The following PUDP variants were observed in gnomAD, a reference collection of about 807,000 sequenced individuals.
PUDP encodes the protein pseudouridine 5'-phosphatase, also known as pseudouridine-5'-phosphatase.
In PUDP, 8 loss-of-function variants were observed where a neutral mutation model predicts 9.4. That is an observed-to-expected ratio of 0.85 (90% CI 0.50 to 1.53). The LOEUF (loss-of-function observed/expected upper bound fraction) is 1.53, where lower values mean the gene tolerates loss of function less well. Ranked by LOEUF, PUDP falls within the 40% of genes most tolerant of loss-of-function variation. The pLI, the probability that PUDP is intolerant of heterozygous loss-of-function variation, is 0.00. For missense variants in PUDP, 188 were observed against 189.7 expected, an observed-to-expected ratio of 0.99 and a Z score of 0.05; for synonymous variants, 99 against 80.7, an observed-to-expected ratio of 1.23 and a Z score of -1.22.
At chrX:6,998,367 G>A (rs765801118) in intron 1 of PUDP, among the ~76,000 whole-genome samples, 122 of 111,620 alleles carry the variant, frequency 1.1e-3, no homozygotes, top group Middle Eastern at 4.6e-3. Flanking sequence ...ATGGACTGAA[G>A]CTAACAAGAT....
At chrX:7,141,224 C>A (rs761417957) in intron 1 of PUDP, among the ~76,000 whole-genome samples, 5 of 112,712 alleles carry the variant, frequency 4.4e-5, no homozygotes, top group African/African-American at 6.5e-5. Flanking sequence ...AGCTGATAGG[C>A]TGAAAGCTAG....
chrX:7,048,017 T>TG (rs759131734), downstream of PUDP, among the ~76,000 whole-genome samples: 9 of 112,162 alleles, frequency 8.0e-5, no homozygotes, highest in East Asian at 1.1e-3. Flanking sequence ...TTCTTTCAAG[T>TG]ATAAGACAGG....
chrX:6,952,448 C>T (rs1928571288), intron 3 of PUDP, among the ~76,000 whole-genome samples: 1 of 111,851 alleles, frequency 8.9e-6, no homozygotes, highest in African/African-American at 3.2e-5. Flanking sequence ...AGGATTTCCA[C>T]AGTTTTTCCA....
At chrX:6,888,501 T>G (rs957634027) in intron 3 of PUDP, among the ~76,000 whole-genome samples, 1 of 108,321 alleles carries the variant, frequency 9.2e-6, no homozygotes, top group African/African-American at 3.4e-5. Context: ...TACAAAAAAA[T>G]TAGCCAGGCA....
At chrX:6,986,445 G>A (rs1929104444) in intron 1 of PUDP, among the ~76,000 whole-genome samples, 2 of 111,154 alleles carry the variant, frequency 1.8e-5, no homozygotes, top group Non-Finnish European at 3.8e-5. Context: ...GGGGCTCGGC[G>A]CAGGCTCTTC....
In PUDP at chrX:6,833,529, G is replaced by A. The variant is rs58738027; in HGVS notation, c.*248-127063C>T. Among the ~76,000 whole-genome samples the A allele has an allele frequency of 1.3e-4, 15 of 111,758 alleles. 1 individual carries two copies. In the East Asian group the frequency reaches 4.0e-3, roughly 29 times the overall value. The stretch of plus-strand genomic sequence containing the variant: ...TAGCTAAATGGCTGGCTGGATGGAT[G>A]GACAAAGTAATAGATGAATAGGTAG... On this transcript the variant is annotated intron_variant and NMD_transcript_variant, in intron 3 of 3. Transcript: ENST00000655425.
chrX:7,111,210 G>C (rs1001446739), intron 1 of PUDP, among the ~76,000 whole-genome samples: 1 of 111,450 alleles, frequency 9.0e-6, no homozygotes, highest in Non-Finnish European at 1.9e-5. Flanking sequence ...TGGAACTGTG[G>C]GTCAATTAAA....
At chrX:7,063,487 G>A (rs2146850176) in intron 3 of PUDP, among the ~76,000 whole-genome samples, 1 of 111,661 alleles carries the variant, frequency 9.0e-6, no homozygotes, top group African/African-American at 3.3e-5. Context: ...AACCATACTT[G>A]ACTTTGAAAT....
At chrX:7,069,883 T>TA in intron 3 of PUDP, among the ~76,000 whole-genome samples, 1 of 112,128 alleles carries the variant, frequency 8.9e-6, no homozygotes, top group South Asian at 3.7e-4. Context: ...ACGGCCCACT[T>TA]AGTTTTCCTA....
intron 1 of PUDP, among the ~76,000 whole-genome samples, chrX:7,021,197 T>C (rs1258435386): frequency 6.2e-5 from 7 of 112,179 alleles, no homozygotes; most frequent in Non-Finnish European, 1.3e-4. Context: ...TTTTATTATA[T>C]AAAAAAGTAA....
chrX:6,965,418 AAAG>A (rs1188355459), intron 3 of PUDP, among the ~76,000 whole-genome samples: 1 of 112,631 alleles, frequency 8.9e-6, no homozygotes, highest in Non-Finnish European at 1.9e-5. Flanking sequence ...ACATAAAAGA[AAAG>A]AATAGATGGC....
intron 3 of PUDP, among the ~76,000 whole-genome samples, chrX:6,804,443 C>A (rs1164943058): frequency 8.9e-6 from 1 of 111,791 alleles, no homozygotes; most frequent in Non-Finnish European, 1.9e-5. Context: ...ATCAATCATC[C>A]TTTCTGACTC....
chrX:7,107,960 T>G (rs1931933947), intron 1 of PUDP, among the ~76,000 whole-genome samples: 1 of 112,552 alleles, frequency 8.9e-6, no homozygotes, highest in Admixed American at 9.3e-5. Context: ...GAAGGTCTCT[T>G]GTGAGCCGCT....
At chrX:6,733,766 A>C (rs747887197) in intron 3 of PUDP, among the ~76,000 whole-genome samples, 202 of 87,990 alleles carry the variant, frequency 2.3e-3, no homozygotes, top group African/African-American at 7.7e-3. Flanking sequence ...CCCTAAAGCA[A>C]AGCCTTTTTT....
At chrX:6,963,947 G>A (rs929497345) in intron 3 of PUDP, among the ~76,000 whole-genome samples, 6 of 112,072 alleles carry the variant, frequency 5.4e-5, no homozygotes, top group Non-Finnish European at 1.1e-4. Context: ...GTGTTTGCCA[G>A]GTTTTTCATT....
chrX:6,742,579 G>A (rs1924952924), intron 3 of PUDP, among the ~76,000 whole-genome samples: 1 of 111,835 alleles, frequency 8.9e-6, no homozygotes, highest in African/African-American at 3.3e-5. Context: ...GACCAGCCTG[G>A]GCAAGATATT....
intron 3 of PUDP, among the ~76,000 whole-genome samples, chrX:6,842,672 T>C (rs1926690240): frequency 8.9e-6 from 1 of 112,594 alleles, no homozygotes; most frequent in Non-Finnish European, 1.9e-5. Flanking sequence ...TTACATATAT[T>C]GTGAAAATAT....
intron 3 of PUDP, among the ~76,000 whole-genome samples, chrX:6,752,828 TCACCTAATACAGGAGC>T (rs1925118750): frequency 8.9e-6 from 1 of 111,851 alleles, no homozygotes; most frequent in Non-Finnish European, 1.9e-5. Flanking sequence ...ATATGGTTGG[TCACCTAATACAGGAGC>T]CACGCATTTT....
chrX:6,883,085 A>T (rs1267543175), intron 3 of PUDP, among the ~76,000 whole-genome samples: 2 of 112,024 alleles, frequency 1.8e-5, no homozygotes, highest in Non-Finnish European at 3.8e-5. Flanking sequence ...ACATTCTTAA[A>T]GGTACTGGTC....
Sources: allele counts gnomAD v4.1 joint callset (sites outside exome capture counted in the v4.1 genomes callset), GRCh38; gene constraint gnomAD v4.1.1; transcripts MANE v1.5; gene names NCBI Gene and HGNC (gene_info 2026-07-23, HGNC 2026-07-21).